The following USP4 variants were observed in gnomAD, a reference collection of about 807,000 sequenced individuals.
The protein encoded by USP4 is ubiquitin specific peptidase 4.
In USP4, 72 loss-of-function variants were observed where a neutral mutation model predicts 118.2. The ratio of observed to expected loss-of-function variants is 0.61; its 90% CI spans 0.50 to 0.74. The LOEUF is 0.74. USP4 is among the 30% of genes least tolerant of loss of function. The pLI is 0.00. For synonymous variants in USP4, 415 were observed against 440.4 expected (o/e 0.94, Z 0.72); for missense variants, 1,037 against 1,185.7 (o/e 0.87, Z 1.84).
At chr3:49,299,657 G>A (rs918216261) in intron 11 of USP4, among the ~76,000 whole-genome samples, 6 of 152,116 alleles carry the variant, frequency 3.9e-5, no homozygotes, top group African/African-American at 1.4e-4. Context: ...CTCCCAAAGT[G>A]CTGGGATTAC....
chr3:49,339,970 C>T lies in USP4; in HGVS notation c.55G>A (p.Glu19Lys), dbSNP rs1333643154. The change falls in exon 1 of 22, where the codon GAG (glutamate) becomes AAG (lysine). Residue 19 changes from glutamate (E) to lysine (K), a missense_variant. Coordinates refer to ENST00000265560, the MANE Select transcript of USP4 (RefSeq NM_003363.4). The stretch of plus-strand genomic sequence containing the variant: ...GTGGTCCTCATTAAGGGTCCAAGCT[C>T]GGACTTCTGAGTCTCCGCATCCGGT... ...ERPDAETQKSELGPLMRTTLQ... is the reference protein window; with the variant it reads ...ERPDAETQKSKLGPLMRTTLQ... 5 of 1,612,848 alleles carry T rather than the reference C, an allele frequency of 3.1e-6. No individual in the cohort carries two copies. Among genetic ancestry groups the T allele is most frequent in the East Asian group, 2.2e-5 (1 of 44,854 alleles).
In USP4 at chr3:49,324,357, C is replaced by T. The variant is rs1470646718; in HGVS notation, c.695+345G>A. Among the ~76,000 whole-genome samples, 4 of 152,284 alleles carry T rather than the reference C, an allele frequency of 2.6e-5. No homozygotes were observed. The South Asian group carries it at 8.3e-4, about 32-fold the overall frequency. On this transcript the variant is annotated intron_variant, in intron 6 of 21. Coordinates refer to ENST00000265560, the MANE Select transcript of USP4 (RefSeq NM_003363.4). ...ATGCCTTAGCCTTCCTCTTATCCATCAAGGCCTCTAACTACATGTGGAGAA... is the reference window on the plus strand; with the variant it reads ...ATGCCTTAGCCTTCCTCTTATCCATTAAGGCCTCTAACTACATGTGGAGAA...
chr3:49,290,960 TA>T, intron 15 of USP4, among the ~76,000 whole-genome samples: 1 of 151,992 alleles, frequency 6.6e-6, no homozygotes, highest in Middle Eastern at 3.4e-3. Flanking sequence ...GACTGGGTGA[TA>T]ATCAAGACCC....
chr3:49,312,401 A>T (rs1484681626), intron 6 of USP4: 2 of 439,620 alleles, frequency 4.5e-6, no homozygotes, highest in Non-Finnish European at 9.3e-6. Context: ...GGGCAGAAGC[A>T]TCACTTGAAC....
chr3:49,291,105 A>G (rs1417162569), intron 15 of USP4, among the ~76,000 whole-genome samples: 1 of 151,982 alleles, frequency 6.6e-6, no homozygotes, highest in Non-Finnish European at 1.5e-5. Flanking sequence ...AGTAGCTGAG[A>G]CTACAGGTGC....
rs1440253469 is a variant in USP4 at position 49,339,938 on chromosome 3, T to G, written c.87A>C (p.Gln29His). 1 of 1,613,206 alleles carries G rather than the reference T, an allele frequency of 6.2e-7. No individual in the cohort carries two copies. Among genetic ancestry groups the G allele is most frequent in the Non-Finnish European group, 8.5e-7 (1 of 1,179,798 alleles). ...CGGGAGCTCACCACTGCGCCCCGCG[T>G]TGGAGTGTGGTCCTCATTAAGGGTC... ...ELGPLMRTTLQRGAQWYLIDS... is the reference protein window; with the variant it reads ...ELGPLMRTTLHRGAQWYLIDS... Residue 29 changes from glutamine (Q) to histidine (H), a missense_variant, in exon 1 of 22, where the codon CAA (glutamine) becomes CAC (histidine). Physicochemically the swap from Gln to His is conservative, Grantham distance 24. Around this residue, in one of 3 missense-constraint regions of USP4, gnomAD observed 487 missense variants for 534.1 expected, o/e 0.91. Coordinates refer to ENST00000265560, the MANE Select transcript of USP4 (RefSeq NM_003363.4).
chr3:49,288,098 T>C (rs2047117941), intron 15 of USP4, among the ~76,000 whole-genome samples: 1 of 152,220 alleles, frequency 6.6e-6, no homozygotes, highest in African/African-American at 2.4e-5. Flanking sequence ...CCACAACCCC[T>C]GGCTCTCATG....
intron 13 of USP4, among the ~76,000 whole-genome samples, chr3:49,296,907 G>T (rs1038423585): frequency 3.3e-5 from 5 of 152,178 alleles, no homozygotes; most frequent in African/African-American, 1.2e-4. Context: ...ATGTGAAAGT[G>T]GACTTTCCCA....
chr3:49,283,736 GA>G (rs2047063953), intron 19 of USP4, among the ~76,000 whole-genome samples: 1 of 152,174 alleles, frequency 6.6e-6, no homozygotes, highest in Non-Finnish European at 1.5e-5. Flanking sequence ...ACTCGAGAGG[GA>G]AACTAGCAGT....
intron 13 of USP4, among the ~76,000 whole-genome samples, chr3:49,296,398 C>A (rs2047209225): frequency 6.6e-6 from 1 of 152,018 alleles, no homozygotes; most frequent in African/African-American, 2.4e-5. Flanking sequence ...GCCTGTAATC[C>A]CAGCACTTTG....
rs143125981 is a variant in USP4, at chr3:49,283,763, C to A, written c.2540+224G>T. The stretch of plus-strand genomic sequence containing the variant: ...AACTAGCAGTGGCAGGGGTGACTGG[C>A]AGCAGCCTGTGTCTGGGCAAATGCT... On this transcript the variant is annotated intron_variant, in intron 19 of 21. Coordinates refer to ENST00000265560, the MANE Select transcript of USP4 (RefSeq NM_003363.4). Among the ~76,000 whole-genome samples, 761 of 152,276 alleles carry A rather than the reference C, an allele frequency of 5.0e-3. 8 individuals carry two copies. The highest frequency in any genetic ancestry group is 0.017 in the African/African-American group (724 of 41,544).
chr3:49,309,033 CAA>C (rs35731425), intron 8 of USP4, among the ~76,000 whole-genome samples: 18 of 69,608 alleles, frequency 2.6e-4, no homozygotes, highest in Admixed American at 3.4e-4. Flanking sequence ...GATGCTGTCT[CAA>C]AAAAAAAAAA....
At chr3:49,295,646 TA>T (rs895322571) in intron 13 of USP4, among the ~76,000 whole-genome samples, 2 of 151,318 alleles carry the variant, frequency 1.3e-5, no homozygotes, top group African/African-American at 4.9e-5. Flanking sequence ...CCTCTTCCTA[TA>T]GGGGGAGACA....
intron 6 of USP4, chr3:49,316,924 G>A (rs867831572): frequency 4.5e-5 from 28 of 615,486 alleles, no homozygotes; most frequent in Non-Finnish European, 5.8e-5. Context: ...GCTGTGCCCC[G>A]GGCTTGTCAC....
intron 14 of USP4, among the ~76,000 whole-genome samples, chr3:49,293,155 T>G (rs1425638339): frequency 6.6e-6 from 1 of 151,848 alleles, no homozygotes; most frequent in East Asian, 1.9e-4. Flanking sequence ...AGGTGGGCAA[T>G]CACCTGAGGT....
chr3:49,329,635 A>C (rs913974192), intron 2 of USP4, among the ~76,000 whole-genome samples: 4 of 152,074 alleles, frequency 2.6e-5, no homozygotes, highest in African/African-American at 9.7e-5. Context: ...TCCTGGGTTC[A>C]AAGGATCCAC....
intron 16 of USP4, among the ~76,000 whole-genome samples, chr3:49,285,697 G>C: frequency 6.6e-6 from 1 of 152,154 alleles, no homozygotes; most frequent in Middle Eastern, 3.2e-3. Flanking sequence ...ATGTGTCGGT[G>C]AGGCTACAAA....
At chr3:49,285,953 G>A in intron 16 of USP4, 145 bp downstream of exon 16, 1 of 721,052 alleles carries the variant, frequency 1.4e-6, no homozygotes, top group Non-Finnish European at 2.3e-6. Context: ...GTCCTTAGGG[G>A]GCTTCAAGCC....
chr3:49,320,758 T>C (rs1376721963), intron 6 of USP4, among the ~76,000 whole-genome samples: 4 of 152,340 alleles, frequency 2.6e-5, no homozygotes, highest in African/African-American at 7.2e-5. Context: ...TCCCCCTTTT[T>C]CCACATGTTC....
Sources: allele counts gnomAD v4.1 joint callset (sites outside exome capture counted in the v4.1 genomes callset), GRCh38; gene constraint gnomAD v4.1.1; regional missense constraint gnomAD v4.1.1; transcripts MANE v1.5; gene names NCBI Gene and HGNC (gene_info 2026-07-23, HGNC 2026-07-21).